The following CEP170B variants were observed in gnomAD, a reference collection of about 807,000 sequenced individuals.
CEP170B encodes the protein centrosomal protein 170B, also known as centrosomal protein of 170 kDa protein B.
A neutral mutation model predicts 120.6 loss-of-function variants in CEP170B; 55 were observed. That is an observed-to-expected ratio of 0.46 (90% CI 0.37 to 0.57). CEP170B has a LOEUF of 0.57. Ranked by LOEUF, CEP170B falls within the 20% of genes least tolerant of loss-of-function variation. CEP170B has a pLI of 0.00. For synonymous variants in CEP170B, 1,033 were observed against 954.5 expected, an observed-to-expected ratio of 1.08 and a Z score of -1.52; for missense variants, 2,212 against 2,253.3, an observed-to-expected ratio of 0.98 and a Z score of 0.37.
At chr14:104,890,114 ATGGATGGATGGATGGGAGGGTGGGTGGG>A (rs1896734600) in intron 13 of CEP170B, among the ~76,000 whole-genome samples, 1 of 57,512 alleles carries the variant, frequency 1.7e-5, no homozygotes, top group Non-Finnish European at 3.2e-5. Context: ...GGGTGGGTGG[ATGGATGGATGGATGGGAGGGTGGGTGGG>A]TGGATGGATG....
intron 10 of CEP170B, 54 bp downstream of exon 10, chr14:104,885,596 T>G: frequency 1.3e-6 from 2 of 1,510,142 alleles, no homozygotes; most frequent in Non-Finnish European, 1.8e-6. Flanking sequence ...GAGGGCAGCA[T>G]CCAAGCCGGA....
chr14:104,874,747 C>T (rs1021165382), intron 2 of CEP170B, among the ~76,000 whole-genome samples: 2 of 152,036 alleles, frequency 1.3e-5, no homozygotes, highest in Admixed American at 6.5e-5. Flanking sequence ...CCCCCAACCC[C>T]CACCCCCGGT....
At position 104,892,962 on chromosome 14, in the gene CEP170B, C is replaced by T; in HGVS notation, c.3879-14C>T. 1.3e-6 allele frequency: 2 copies of T among 1,555,496 alleles called. No individual in the cohort carries two copies. On this transcript the variant is annotated splice_polypyrimidine_tract_variant and intron_variant, in intron 13 of 18. Coordinates refer to ENST00000414716, the MANE Select transcript of CEP170B (RefSeq NM_001112726.3). ...CCTCTGTGCAGAACCTGCCGTCTTT[C>T]CTGCCGGCTGCAGGCTGAGCCAGAC...
chr14:104,894,659 G>A (rs751888382), intron 18 of CEP170B, 52 bp from the exon 19 acceptor site: 6 of 1,577,964 alleles, frequency 3.8e-6, no homozygotes, highest in Non-Finnish European at 5.2e-6. Flanking sequence ...GACTCACAGG[G>A]TGGGAGCAGG....
Position 104,868,319 on chromosome 14 carries a change from G to A in CEP170B, c.-27-105G>A. The A allele has an allele frequency of 1.3e-6, 1 of 789,094 alleles. No homozygotes were observed. The highest frequency in any genetic ancestry group is 2.0e-6 in the Non-Finnish European group (1 of 507,828). The allele number at this position is 789,094 out of a possible 1,614,324, so 48.9% of individuals were successfully genotyped here. On this transcript the variant is annotated intron_variant, in intron 1 of 18. Transcript: ENST00000414716. The surrounding 1 kb of genome is among the most constrained non-coding windows in gnomAD (Gnocchi z 5.9). ...CTGGAGCCCAGCTTCTCCGGAAGCTGCCAGCTTCCCTTAGAGGGTCAGGAT... is the reference window on the plus strand; with the variant it reads ...CTGGAGCCCAGCTTCTCCGGAAGCTACCAGCTTCCCTTAGAGGGTCAGGAT...
Position 104,878,512 on chromosome 14 carries a change from G to A in CEP170B, c.333+11G>A. 1 of 1,609,296 alleles carries A rather than the reference G, an allele frequency of 6.2e-7. No homozygotes were observed. The highest frequency in any genetic ancestry group is 8.5e-7 in the Non-Finnish European group (1 of 1,179,230). On this transcript the variant is annotated intron_variant, in intron 5 of 18. Transcript: ENST00000414716. The stretch of plus-strand genomic sequence containing the variant: ...GAGGAGGCACTCAAGGTTAGTGCTG[G>A]CCAAGCCCGGGTGGCTCAGCCACGA...
chr14:104,894,375 C>G lies in CEP170B; in HGVS notation c.4362C>G (p.Asn1454Lys). 1 of 1,613,290 alleles carries G rather than the reference C, an allele frequency of 6.2e-7. No individual in the cohort carries two copies. Among genetic ancestry groups the G allele is most frequent in the Non-Finnish European group, 8.5e-7 (1 of 1,179,712 alleles). ...AGGTGCCCATCCTGAAGACATCTAACAAGGTGAGCGCTGGGGCCCCGTGCC... is the reference window on the plus strand; with the variant it reads ...AGGTGCCCATCCTGAAGACATCTAAGAAGGTGAGCGCTGGGGCCCCGTGCC... ...ENEVPILKTS[N>K]KEISSILKEL... The change falls in exon 17 of 19, where the codon AAC becomes AAG. Residue 1454 changes from asparagine (N) to lysine (K), a missense_variant. By Grantham distance (94) the Asn-to-Lys change is moderately conservative. Around this residue, in one of 2 missense-constraint regions of CEP170B, gnomAD observed 2,166 missense variants for 2,166.7 expected, o/e 1.00. Coordinates refer to ENST00000414716, the MANE Select transcript of CEP170B (RefSeq NM_001112726.3).
At chr14:104,886,239 A>C (rs934666554) in intron 11 of CEP170B, 36 bp from the exon 12 acceptor site, 1 of 1,483,516 alleles carries the variant, frequency 6.7e-7, no homozygotes, top group Non-Finnish European at 8.9e-7. Context: ...CCTGCAGACC[A>C]GCGGCCCTCT....
rs1896242206 is a variant in CEP170B, at chr14:104,883,077, G to C, written c.620G>C (p.Gly207Ala). Reference sequence around the variant, plus strand: ...GTGCAGCAGGACGGGGAGCTCCACGGCTTCCGCGCCCCTGCTGAGCCTCAG... The same window carrying C: ...GTGCAGCAGGACGGGGAGCTCCACGCCTTCCGCGCCCCTGCTGAGCCTCAG... ...GPVQQDGELH[G>A]FRAPAEPQGC... Residue 207 changes from glycine to alanine, a missense_variant, in exon 8 of 19, where the codon GGC becomes GCC. By Grantham distance (60) the Gly-to-Ala change is moderately conservative. Around this residue, in one of 2 missense-constraint regions of CEP170B, gnomAD observed 2,166 missense variants for 2,166.7 expected, o/e 1.00. Transcript: ENST00000414716. The C allele has an allele frequency of 3.2e-6, 5 of 1,560,562 alleles. No homozygotes were observed. The African/African-American group carries it at 4.1e-5, about 13-fold the overall frequency.
Position 104,895,093 on chromosome 14 carries a change from C to T in CEP170B, c.*135C>T, listed in dbSNP as rs1038182873. 12 of 1,026,830 alleles carry T rather than the reference C, an allele frequency of 1.2e-5. No individual in the cohort carries two copies. Among genetic ancestry groups the T allele is most frequent in the Non-Finnish European group, 1.2e-5 (9 of 730,464 alleles). The allele number at this position is 1,026,830 out of a possible 1,614,324, so 63.6% of individuals were successfully genotyped here. A position where few individuals can be genotyped will look rare whatever the true frequency, so the allele number is the denominator to read the frequency against. On this transcript the variant is annotated 3_prime_UTR_variant, in exon 19 of 19. Coordinates refer to ENST00000414716, the MANE Select transcript of CEP170B (RefSeq NM_001112726.3). ...GTGCCATATCCCTGTGGGCGGGTGC[C>T]TCCCACGCCCTTGCCCCCTCGTCAG...
chr14:104,867,117 G>T lies in CEP170B; in HGVS notation c.-27-1307G>T, dbSNP rs1336034355. ...TAAGGGTACCGCGTTTTCTTTTTGTGCTGGGCCCTGCAGTGATGGAGCCAG... is the reference window on the plus strand; with the variant it reads ...TAAGGGTACCGCGTTTTCTTTTTGTTCTGGGCCCTGCAGTGATGGAGCCAG... On this transcript the variant is annotated intron_variant, in intron 1 of 18. Coordinates refer to ENST00000414716, the MANE Select transcript of CEP170B (RefSeq NM_001112726.3). This position sits in a 1 kb window ranked among gnomAD's most constrained non-coding sequence, Gnocchi z 5.4. 6.6e-6 allele frequency among the ~76,000 whole-genome samples: 1 copy of T among 152,166 alleles called. No homozygotes were observed. The highest frequency in any genetic ancestry group is 1.5e-5 in the Non-Finnish European group (1 of 68,026).
chr14:104,894,125 G>A, intron 16 of CEP170B, 160 bp from the exon 17 acceptor site: 1 of 678,262 alleles, frequency 1.5e-6, no homozygotes, highest in African/African-American at 1.8e-5. Flanking sequence ...GCACAGATGG[G>A]ACTTTGGTGC....
chr14:104,885,810 G>A lies in CEP170B; in HGVS notation c.1945-230G>A, dbSNP rs902420536. Among the ~76,000 whole-genome samples the A allele has an allele frequency of 9.0e-4, 137 of 152,186 alleles. 1 individual carries two copies. The highest frequency in any genetic ancestry group is 3.9e-4 in the Admixed American group (6 of 15,290). On this transcript the variant is annotated intron_variant, in intron 10 of 18. Coordinates refer to ENST00000414716, the MANE Select transcript of CEP170B (RefSeq NM_001112726.3). ...GCCAACCTGGAACTGAGTTCTGTGAGGCTGCCTGGGCTGGGCAGGCAGGGG... is the reference window on the plus strand; with the variant it reads ...GCCAACCTGGAACTGAGTTCTGTGAAGCTGCCTGGGCTGGGCAGGCAGGGG...
chr14:104,876,896 A>G (rs1895881874), intron 3 of CEP170B, among the ~76,000 whole-genome samples: 1 of 152,184 alleles, frequency 6.6e-6, no homozygotes, highest in African/African-American at 2.4e-5. Context: ...CCTGGCTGCA[A>G]GAGCAGGGTT....
intron 2 of CEP170B, among the ~76,000 whole-genome samples, chr14:104,871,269 AC>A (rs1895469576): frequency 6.6e-6 from 1 of 151,844 alleles, no homozygotes; most frequent in African/African-American, 2.4e-5. Flanking sequence ...TGGCTGCTGC[AC>A]TGGGGCCTCT....
chr14:104,865,066 A>T (rs1037878176), upstream of CEP170B, among the ~76,000 whole-genome samples: 20 of 121,738 alleles, frequency 1.6e-4, no homozygotes, highest in South Asian at 2.8e-4. This position sits in a 1 kb window ranked among gnomAD's most constrained non-coding sequence, Gnocchi z 6.7. Flanking sequence ...GGCCTGGGGC[A>T]GGGGCGGGAT....
In CEP170B at chr14:104,892,883, G is replaced by C. The variant is rs796067912; in HGVS notation, c.3879-93G>C. ...CAGGCCCCACCTCTGGCCAGCAGCT[G>C]CCTGGGAGCTGGGAGGGGCTTTGAG... On this transcript the variant is annotated intron_variant, in intron 13 of 18. Coordinates refer to ENST00000414716, the MANE Select transcript of CEP170B (RefSeq NM_001112726.3). The C allele has an allele frequency of 5.7e-6, 8 of 1,399,120 alleles. No homozygotes were observed. The African/African-American group carries it at 1.1e-4, about 20-fold the overall frequency. 86.7% of individuals were successfully genotyped at this position (1,399,120 alleles called of 1,614,324 possible). A position where few individuals can be genotyped will look rare whatever the true frequency, so the allele number is the denominator to read the frequency against.
chr14:104,882,572 C>T (rs930540394), intron 6 of CEP170B, among the ~76,000 whole-genome samples, 156 bp from the exon 7 acceptor site: 9 of 152,020 alleles, frequency 5.9e-5, no homozygotes, highest in Non-Finnish European at 1.0e-4. Context: ...AGTCAACATT[C>T]CCCACAGAGG....
At position 104,884,617 on chromosome 14, in the gene CEP170B, G is replaced by A. The variant is rs1204375480; in HGVS notation, c.1770+68G>A. The A allele has an allele frequency of 7.9e-5, 114 of 1,435,598 alleles. No individual in the cohort carries two copies. The Middle Eastern group carries it at 1.4e-3, about 18-fold the overall frequency. The allele number at this position is 1,435,598 out of a possible 1,614,324, so 88.9% of individuals were successfully genotyped here. On this transcript the variant is annotated intron_variant, in intron 9 of 18. Transcript: ENST00000414716. ...GGGTGGAGGCGATGCCGGGGGTGGC[G>A]AGTGAGAGCCCTCGTGGGGAACGGG...
Sources: allele counts gnomAD v4.1 joint callset (sites outside exome capture counted in the v4.1 genomes callset), GRCh38; gene constraint gnomAD v4.1.1; regional missense constraint gnomAD v4.1.1; non-coding constraint Gnocchi (gnomAD v3.1); transcripts MANE v1.5; gene names NCBI Gene and HGNC (gene_info 2026-07-23, HGNC 2026-07-21).